The following SNX31 variants were observed in gnomAD, a reference collection of about 807,000 sequenced individuals.
The protein encoded by SNX31 is sorting nexin 31, also known as sorting nexin-31.
Under a neutral mutation model 65.4 loss-of-function variants are expected in SNX31, and 58 were observed. That is an observed-to-expected ratio of 0.89 (90% CI 0.72 to 1.10). The LOEUF (loss-of-function observed/expected upper bound fraction) is 1.10, where lower values mean the gene tolerates loss of function less well. SNX31 is among the 50% of genes least tolerant of loss of function. The pLI, the probability that SNX31 is intolerant of heterozygous loss-of-function variation, is 0.00. For missense variants in SNX31, 523 were observed against 529.7 expected (o/e 0.99, Z 0.12); for synonymous variants, 181 against 190.1 (o/e 0.95, Z 0.39).
rs569688592 is a variant in SNX31, at chr8:100,610,527, C to T, written c.611+1473G>A. ...TATTCCCATTTTACAGATAAAGAAA[C>T]TGAGGCTTAGAGAGCTTGAACGACT... On this transcript the variant is annotated intron_variant, in intron 7 of 13. Coordinates refer to ENST00000311812, the MANE Select transcript of SNX31 (RefSeq NM_152628.4). This position sits in a 1 kb window ranked among gnomAD's most constrained non-coding sequence, Gnocchi z 4.0. Among the ~76,000 whole-genome samples the T allele has an allele frequency of 6.6e-6, 1 of 152,288 alleles. No individual in the cohort carries two copies. Among genetic ancestry groups the T allele is most frequent in the East Asian group, 1.9e-4 (1 of 5,188 alleles).
At chr8:100,635,222 T>TTTTATTTATTTATTTATTTATTTA (rs140014187) in intron 3 of SNX31, among the ~76,000 whole-genome samples, 6,320 of 149,688 alleles carry the variant, frequency 0.042, 171 homozygotes, top group East Asian at 0.093. Flanking sequence ...ACCTCATCTC[T>TTTTATTTATTTATTTATTTATTTA]TTTATTTATT....
chr8:100,632,563 C>A (rs1376945253), intron 3 of SNX31, among the ~76,000 whole-genome samples: 1 of 152,022 alleles, frequency 6.6e-6, no homozygotes, highest in Admixed American at 6.6e-5. Context: ...AGTCAACATA[C>A]AGGAGAAAAA....
intron 4 of SNX31, among the ~76,000 whole-genome samples, chr8:100,621,109 A>C (rs539675572): frequency 2.0e-5 from 3 of 152,266 alleles, no homozygotes; most frequent in Non-Finnish European, 4.4e-5. Flanking sequence ...GCACCACTGC[A>C]CTCCAGCCTG....
chr8:100,620,085 T>G (rs2131104535), intron 4 of SNX31: 1 of 152,348 alleles, frequency 6.6e-6, no homozygotes, highest in Non-Finnish European at 1.5e-5. Flanking sequence ...GGGGTACACT[T>G]GCAGTTTTGT....
intron 4 of SNX31, among the ~76,000 whole-genome samples, chr8:100,628,678 C>T (rs1203046641): frequency 1.3e-5 from 2 of 152,062 alleles, no homozygotes; most frequent in Non-Finnish European, 2.9e-5. Context: ...CAACATGGCA[C>T]ATGTCTACAT....
At chr8:100,618,524 C>T (rs1482577421) in intron 4 of SNX31, 30 of 600,590 alleles carry the variant, frequency 5.0e-5, no homozygotes, top group Non-Finnish European at 5.0e-5. Context: ...AGATCCCTCA[C>T]GTTTAAGGGC....
At chr8:100,617,885 C>T (rs182336549) in intron 4 of SNX31, among the ~76,000 whole-genome samples, 155 bp from the exon 5 acceptor site, 2 of 151,916 alleles carry the variant, frequency 1.3e-5, no homozygotes, top group Admixed American at 1.3e-4. Context: ...CTTCCTCAGC[C>T]TCCCAAGTAG....
At chr8:100,646,062 A>T (rs74340884) in intron 2 of SNX31, among the ~76,000 whole-genome samples, 1 of 152,114 alleles carries the variant, frequency 6.6e-6, no homozygotes, top group Non-Finnish European at 1.5e-5. Context: ...AAGGGGATTG[A>T]GAGCAAAAAG....
Position 100,594,902 on chromosome 8 carries a change from T to A in SNX31, c.978+1737A>T, listed in dbSNP as rs1814925978. Among the ~76,000 whole-genome samples the A allele has an allele frequency of 6.6e-6, 1 of 152,200 alleles. No homozygotes were observed. Among genetic ancestry groups the A allele is most frequent in the South Asian group, 2.1e-4 (1 of 4,836 alleles). ...AAAAACTAGAAACAACCAGAGGTTC[T>A]TCAATGAGTAAATGGTTAAGCAAAC... On this transcript the variant is annotated intron_variant, in intron 10 of 13. Coordinates refer to ENST00000311812, the MANE Select transcript of SNX31 (RefSeq NM_152628.4). This position sits in a 1 kb window ranked among gnomAD's most constrained non-coding sequence, Gnocchi z 4.0.
intron 4 of SNX31, among the ~76,000 whole-genome samples, chr8:100,623,241 C>T (rs901730026): frequency 2.6e-5 from 4 of 152,132 alleles, no homozygotes; most frequent in Non-Finnish European, 5.9e-5. Context: ...AGGTGCCACA[C>T]ACTTTTAAAC....
intron 12 of SNX31, 86 bp downstream of exon 12, chr8:100,584,025 G>C (rs1813795401): frequency 5.0e-6 from 6 of 1,206,780 alleles, no homozygotes; most frequent in Non-Finnish European, 7.1e-6. Context: ...GCTGGCTCAG[G>C]GAGCTCATGA....
chr8:100,633,471 T>C (rs1188304293), intron 3 of SNX31, among the ~76,000 whole-genome samples: 1 of 152,114 alleles, frequency 6.6e-6, no homozygotes, highest in Non-Finnish European at 1.5e-5. Flanking sequence ...TGGTGTGATC[T>C]TGGCTCACTG....
chr8:100,638,518 C>T (rs1051095789), intron 2 of SNX31, among the ~76,000 whole-genome samples: 4 of 152,220 alleles, frequency 2.6e-5, no homozygotes, highest in African/African-American at 9.6e-5. Flanking sequence ...GGGCAAAACA[C>T]ACTTCCCTGA....
At position 100,607,928 on chromosome 8, in the gene SNX31, G is replaced by A. The variant is rs764205543; in HGVS notation, c.681+566C>T. ...CCCAACGCAACTGTGCAGGCCACAT[G>A]CCCACCCAGCTGGAGCCAATGGCAG... On this transcript the variant is annotated intron_variant, in intron 8 of 13. Coordinates refer to ENST00000311812, the MANE Select transcript of SNX31 (RefSeq NM_152628.4). 3.2e-4 allele frequency among the ~76,000 whole-genome samples: 49 copies of A among 152,374 alleles called. 1 individual carries two copies. Among genetic ancestry groups the A allele is most frequent in the Non-Finnish European group, 3.2e-4 (22 of 68,042 alleles).
At chr8:100,620,372 G>C (rs979811609) in intron 4 of SNX31, among the ~76,000 whole-genome samples, 1 of 152,168 alleles carries the variant, frequency 6.6e-6, no homozygotes, top group Non-Finnish European at 1.5e-5. Context: ...ATTGCTCGGT[G>C]ACCCCAAAAG....
chr8:100,608,638 T>C (rs1816412849), intron 7 of SNX31, 75 bp from the exon 8 acceptor site: 1 of 1,446,028 alleles, frequency 6.9e-7, no homozygotes. Context: ...CTTTGGAAAG[T>C]GGTGGCCCTC....
At chr8:100,599,809 A>G (rs1206351352) in intron 9 of SNX31, among the ~76,000 whole-genome samples, 1 of 152,212 alleles carries the variant, frequency 6.6e-6, no homozygotes. Flanking sequence ...ACCTTTACGG[A>G]AACTTTAAAA....
At chr8:100,659,111 C>T (rs982462765) in intron 1 of SNX31, among the ~76,000 whole-genome samples, 5 of 151,870 alleles carry the variant, frequency 3.3e-5, no homozygotes, top group Non-Finnish European at 5.9e-5. Flanking sequence ...TTTGGGAGGC[C>T]GAGGTGGGTG....
upstream of SNX31, among the ~76,000 whole-genome samples, chr8:100,650,857 T>TG (rs1397305561): frequency 5.4e-5 from 8 of 149,202 alleles, no homozygotes; most frequent in Non-Finnish European, 7.5e-5. Context: ...TTTGTTTTTT[T>TG]TTTTTTTGTT....
Sources: gnomAD v4.1 joint callset for allele counts (sites outside exome capture counted in the v4.1 genomes callset) on GRCh38, gnomAD v4.1.1 for gene constraint, Gnocchi (gnomAD v3.1) non-coding constraint, MANE v1.5 for transcripts, NCBI Gene and HGNC (gene_info 2026-07-23, HGNC 2026-07-21) for gene names.